The following SCNN1B variants were observed in gnomAD, a reference collection of about 807,000 sequenced individuals.
SCNN1B encodes the protein epithelial sodium channel subunit beta.
A neutral mutation model predicts 65.3 loss-of-function variants in SCNN1B; 46 were observed. The ratio of observed to expected loss-of-function variants is 0.70; its 90% confidence interval spans 0.56 to 0.90. The LOEUF is 0.90. SCNN1B is among the 40% of genes least tolerant of loss of function. SCNN1B has a pLI of 0.00. For synonymous variants in SCNN1B, 349 were observed against 330.6 expected, an observed-to-expected ratio of 1.06 and a Z score of -0.60; for missense variants, 751 against 830.5, an observed-to-expected ratio of 0.90 and a Z score of 1.18.
chr16:23,331,361 G>A (rs1961808899), intron 1 of SCNN1B, among the ~76,000 whole-genome samples: 2 of 140,282 alleles, frequency 1.4e-5, no homozygotes, highest in South Asian at 2.2e-4. Context: ...GTCTCACTTT[G>A]TCATCCAGGC....
chr16:23,289,441 C>A (rs1048307551), intron 2 of SCNN1B, among the ~76,000 whole-genome samples: 3 of 152,036 alleles, frequency 2.0e-5, no homozygotes, highest in Non-Finnish European at 4.4e-5. Context: ...GTCCTGGATA[C>A]TCAGGAGGCT....
chr16:23,347,100 C>A (rs574491808), intron 1 of SCNN1B, among the ~76,000 whole-genome samples: 1 of 152,174 alleles, frequency 6.6e-6, no homozygotes, highest in East Asian at 1.9e-4. Context: ...CTGTCTCAAA[C>A]AAACAAACAA....
intron 1 of SCNN1B, among the ~76,000 whole-genome samples, chr16:23,320,698 T>G (rs1961569418): frequency 6.6e-6 from 1 of 152,212 alleles, no homozygotes; most frequent in Admixed American, 6.5e-5. Flanking sequence ...AGCTCTCACA[T>G]TAGACACCAC....
intron 1 of SCNN1B, among the ~76,000 whole-genome samples, chr16:23,324,129 C>T (rs1252605646): frequency 6.6e-6 from 1 of 151,978 alleles, no homozygotes; most frequent in Non-Finnish European, 1.5e-5. Context: ...CACACAGCCA[C>T]CCAGCCAGTA....
Position 23,371,368 on chromosome 16 carries a change from G to A in SCNN1B, c.950G>A (p.Arg317Lys), listed in dbSNP as rs1183901350. ...TTCCTTGCGTCCACGGCCGGGGTCA[G>A]GCTGATGCTTCACGAGCAGAGGTCA... is the stretch of plus-strand genomic sequence containing the variant. The part of the protein sequence containing the change: ...VPFLASTAGV[R>K]LMLHEQRSYP... The change falls in exon 6 of 13, where the codon AGG (arginine) becomes AAG (lysine). Residue 317 changes from arginine (R) to lysine (K), a missense_variant. Physicochemically the swap from Arg to Lys is conservative, Grantham distance 26. Coordinates refer to ENST00000343070, the MANE Select transcript of SCNN1B (RefSeq NM_000336.3). 1 of 1,614,078 alleles carries A rather than the reference G, an allele frequency of 6.2e-7. No homozygotes were observed. The highest frequency in any genetic ancestry group is 8.5e-7 in the Non-Finnish European group (1 of 1,180,032).
chr16:23,343,581 G>GAA (rs1962108260), intron 1 of SCNN1B, among the ~76,000 whole-genome samples: 4 of 70,324 alleles, frequency 5.7e-5, no homozygotes, highest in African/African-American at 1.9e-4. Context: ...GAAAGAAAAA[G>GAA]AGAAAGAAAG....
At chr16:23,322,394 G>A (rs971337974) in intron 1 of SCNN1B, among the ~76,000 whole-genome samples, 4 of 152,064 alleles carry the variant, frequency 2.6e-5, no homozygotes, top group Non-Finnish European at 4.4e-5. Context: ...TCGACCTCCC[G>A]GGTTCCAGCG....
chr16:23,321,404 AAGGCCCCGCCTGTG>A (rs1237896227), intron 1 of SCNN1B, among the ~76,000 whole-genome samples: 1 of 152,024 alleles, frequency 6.6e-6, no homozygotes, highest in Non-Finnish European at 1.5e-5. Context: ...TGTTCCTCTG[AAGGCCCCGCCTGTG>A]AGTGGGGGTG....
intron 1 of SCNN1B, among the ~76,000 whole-genome samples, chr16:23,344,144 G>A (rs776764768): frequency 1.3e-5 from 2 of 152,206 alleles, no homozygotes; most frequent in African/African-American, 2.4e-5. Context: ...ACTTAAGCAC[G>A]TTTATGAACA....
intron 6 of SCNN1B, 122 bp from the exon 7 acceptor site, chr16:23,371,654 G>T: frequency 2.0e-6 from 2 of 1,014,102 alleles, no homozygotes; most frequent in Non-Finnish European, 3.1e-6. Context: ...CCCCTCTGGC[G>T]CCCCCCCTGG....
At chr16:23,284,908 G>T (rs1157559223) in intron 2 of SCNN1B, among the ~76,000 whole-genome samples, 1 of 152,174 alleles carries the variant, frequency 6.6e-6, no homozygotes, top group Non-Finnish European at 1.5e-5. Context: ...TGAGCCTGGG[G>T]CATCTTGTTG....
intron 1 of SCNN1B, among the ~76,000 whole-genome samples, chr16:23,312,568 T>A (rs1237426333): frequency 6.6e-6 from 1 of 152,072 alleles, no homozygotes. Flanking sequence ...CCTGCCCTGC[T>A]TGGAGAAGGG....
Position 23,380,140 on chromosome 16 carries a change from C to A in SCNN1B, c.1513C>A (p.Arg505Ser), listed in dbSNP as rs766620267. The change falls in exon 12 of 13, where the codon CGC becomes AGC. Residue 505 changes from arginine to serine, a missense_variant. Coordinates refer to ENST00000343070, the MANE Select transcript of SCNN1B (RefSeq NM_000336.3). The surrounding 1 kb of genome is among the most constrained non-coding windows in gnomAD (Gnocchi z 5.4). ...LNIYFQEFNY[R>S]TIEESAANNI... The stretch of plus-strand genomic sequence containing the variant: ...CATCTACTTCCAAGAATTTAACTAT[C>A]GCACCATTGAAGAATCAGCAGCCAA... 1.9e-6 allele frequency: 3 copies of A among 1,613,944 alleles called. No homozygotes were observed. The highest frequency in any genetic ancestry group is 2.5e-6 in the Non-Finnish European group (3 of 1,179,984).
At chr16:23,321,335 C>T (rs1004082146) in intron 1 of SCNN1B, among the ~76,000 whole-genome samples, 1 of 152,154 alleles carries the variant, frequency 6.6e-6, no homozygotes, top group African/African-American at 2.4e-5. Context: ...AGCCACAACG[C>T]CTGGCCTCCT....
chr16:23,322,772 T>C (rs1288239425), intron 1 of SCNN1B, among the ~76,000 whole-genome samples: 2 of 152,216 alleles, frequency 1.3e-5, no homozygotes, highest in African/African-American at 4.8e-5. Context: ...TCAATATGTC[T>C]TTTAAAATAC....
At chr16:23,358,988 C>T (rs1208881187) in intron 4 of SCNN1B, among the ~76,000 whole-genome samples, 1 of 152,246 alleles carries the variant, frequency 6.6e-6, no homozygotes, top group Admixed American at 6.5e-5. Flanking sequence ...GGGCCTTTCT[C>T]GTCCCTGTAG....
chr16:23,361,971 C>T (rs1329257614), intron 4 of SCNN1B, among the ~76,000 whole-genome samples: 1 of 152,168 alleles, frequency 6.6e-6, no homozygotes, highest in Non-Finnish European at 1.5e-5. Context: ...CTTCAGCCCC[C>T]TAAAGTGCTG....
chr16:23,308,568 C>A (rs1961270299), intron 1 of SCNN1B, among the ~76,000 whole-genome samples: 1 of 152,194 alleles, frequency 6.6e-6, no homozygotes, highest in South Asian at 2.1e-4. Context: ...AGACTTCCCA[C>A]ATCAGAGACT....
intron 5 of SCNN1B, among the ~76,000 whole-genome samples, chr16:23,369,844 T>G (rs1217922014): frequency 6.6e-6 from 1 of 152,218 alleles, no homozygotes; most frequent in Non-Finnish European, 1.5e-5. Flanking sequence ...CCTTCACTTC[T>G]CTGTGCCTCA....
Sources: gnomAD v4.1 joint callset for allele counts (sites outside exome capture counted in the v4.1 genomes callset) on GRCh38, gnomAD v4.1.1 for gene constraint, Gnocchi (gnomAD v3.1) non-coding constraint, MANE v1.5 for transcripts, NCBI Gene and HGNC (gene_info 2026-07-23, HGNC 2026-07-21) for gene names.